The following MAML1 variants were observed in gnomAD, a reference collection of about 807,000 sequenced individuals.
The protein encoded by MAML1 is mastermind like transcriptional coactivator 1.
MAML1 carries 14 observed loss-of-function variants against 77.1 expected under a neutral mutation model. The ratio of observed to expected loss-of-function variants is 0.18; its 90% CI spans 0.12 to 0.28. MAML1 has a LOEUF of 0.28. Ranked by LOEUF, MAML1 falls within the 10% of genes least tolerant of loss-of-function variation. The pLI is 1.00. For missense variants in MAML1, 1,217 were observed against 1,327.8 expected (o/e 0.92, Z 1.30); for synonymous variants, 516 against 551.9 (o/e 0.93, Z 0.91).
At chr5:179,742,895 T>TG (rs1365151240) in intron 1 of MAML1, among the ~76,000 whole-genome samples, 1 of 152,148 alleles carries the variant, frequency 6.6e-6, no homozygotes, top group African/African-American at 2.4e-5. Flanking sequence ...TAATAGGACT[T>TG]TGATTTCCTT....
chr5:179,772,551 A>G lies in MAML1; in HGVS notation c.2068+1308A>G, dbSNP rs188673028. On this transcript the variant is annotated intron_variant, in intron 4 of 4. Transcript: ENST00000292599. ...GGTGTTGTCATATGTCCATTGCTTA[A>G]GCCAGGAGGCCTAGACAGCAGTTCC... Among the ~76,000 whole-genome samples the G allele has an allele frequency of 8.5e-5, 13 of 152,296 alleles. No homozygotes were observed. In the East Asian group the frequency reaches 2.5e-3, roughly 29 times the overall value.
chr5:179,760,055 GGA>G (rs1779698366), intron 1 of MAML1, among the ~76,000 whole-genome samples: 2 of 152,142 alleles, frequency 1.3e-5, no homozygotes, highest in South Asian at 4.1e-4. Flanking sequence ...ACAGGACTGG[GGA>G]GAGGCTGGCC....
rs1426488100 is a variant in MAML1, at chr5:179,774,836, G to C, written c.3010G>C (p.Glu1004Gln). Residue 1004 changes from glutamate (E) to glutamine (Q), a missense_variant, in exon 5 of 5, where the codon GAG becomes CAG. Physicochemically the swap from Glu to Gln is conservative, Grantham distance 29. Transcript: ENST00000292599. ...CCTGCTGAAGAACAGGACTTCAGAG[G>C]AGTGGATGAGTGATTTGGACGACCT... ...DSLLKNRTSE[E>Q]WMSDLDDLLG... The C allele has an allele frequency of 6.2e-7, 1 of 1,612,778 alleles. No homozygotes were observed. The highest frequency in any genetic ancestry group is 8.5e-7 in the Non-Finnish European group (1 of 1,179,110).
At chr5:179,734,046 A>G (rs1278144107) in intron 1 of MAML1, among the ~76,000 whole-genome samples, 1 of 152,222 alleles carries the variant, frequency 6.6e-6, no homozygotes, top group African/African-American at 2.4e-5. Flanking sequence ...TTCTAGTTTT[A>G]ATTTATCAGG....
intron 1 of MAML1, among the ~76,000 whole-genome samples, chr5:179,750,228 C>T (rs1779459758): frequency 6.6e-6 from 1 of 152,200 alleles, no homozygotes; most frequent in African/African-American, 2.4e-5. Context: ...TGGCCATGTG[C>T]TCTTATCTCC....
intron 1 of MAML1, among the ~76,000 whole-genome samples, chr5:179,750,476 T>C (rs939730893): frequency 6.6e-6 from 1 of 152,146 alleles, no homozygotes; most frequent in Non-Finnish European, 1.5e-5. Context: ...TTTTTGTTTT[T>C]GTTTTAAGAC....
chr5:179,769,144 G>A lies in MAML1; in HGVS notation c.1971+55G>A, dbSNP rs1755908296. 8.7e-6 allele frequency: 14 copies of A among 1,601,736 alleles called. No homozygotes were observed. The highest frequency in any genetic ancestry group is 5.6e-5 in the South Asian group (5 of 88,928). ...CTTCCCACCTTTGCCTGCACCCTGC[G>A]TCACTGCTACAGTCACACCTTCTGC... On this transcript the variant is annotated intron_variant, in intron 3 of 4. Coordinates refer to ENST00000292599, the MANE Select transcript of MAML1 (RefSeq NM_014757.5). The surrounding 1 kb of genome is among the most constrained non-coding windows in gnomAD (Gnocchi z 4.2).
intron 1 of MAML1, among the ~76,000 whole-genome samples, chr5:179,736,542 C>T (rs922572221): frequency 2.6e-5 from 4 of 152,164 alleles, no homozygotes; most frequent in Non-Finnish European, 2.9e-5. Context: ...TGAGCCGCCA[C>T]GCTTGGCCTG....
chr5:179,776,860 G>A lies in MAML1; in HGVS notation c.*1983G>A. On this transcript the variant is annotated 3_prime_UTR_variant, in exon 5 of 5. Coordinates refer to ENST00000292599, the MANE Select transcript of MAML1 (RefSeq NM_014757.5). ...GGGAGCTGCCCATGGCTTTATTTAT[G>A]AACCTGGTTTTCGGGAGTCAGGGGA... 3 of 985,930 alleles carry A rather than the reference G, an allele frequency of 3.0e-6. No individual in the cohort carries two copies. The highest frequency in any genetic ancestry group is 6.1e-5 in the Admixed American group (1 of 16,292). 61.1% of individuals were successfully genotyped at this position (985,930 alleles called of 1,614,324 possible).
In MAML1 at chr5:179,733,178, C is replaced by T; in HGVS notation, c.66C>T (p.Arg22=). Residue 22 remains arginine, a synonymous_variant, in exon 1 of 5, where the codon CGC becomes CGT. Coordinates refer to ENST00000292599, the MANE Select transcript of MAML1 (RefSeq NM_014757.5). ...CGCGGCACAGCGCGGTCATGGAGCG[C>T]CTTCGCCGGCGCATCGAGCTGTGCC... ...ALPRHSAVME[R]LRRRIELCRR... 1 of 1,471,780 alleles carries T rather than the reference C, an allele frequency of 6.8e-7. No individual in the cohort carries two copies. Among genetic ancestry groups the T allele is most frequent in the Admixed American group, 2.2e-5 (1 of 44,784 alleles). 91.2% of individuals were successfully genotyped at this position (1,471,780 alleles called of 1,614,324 possible).
chr5:179,747,607 G>A (rs1779404913), intron 1 of MAML1, among the ~76,000 whole-genome samples: 1 of 152,018 alleles, frequency 6.6e-6, no homozygotes, highest in South Asian at 2.1e-4. Context: ...TCAGGAGATC[G>A]AGACCATCTT....
Position 179,733,241 on chromosome 5 carries a change from C to A in MAML1, c.129C>A (p.Ala43=). Residue 43 remains alanine, a synonymous_variant, in exon 1 of 5, where the codon GCC becomes GCA. Coordinates refer to ENST00000292599, the MANE Select transcript of MAML1 (RefSeq NM_014757.5). Reference sequence around the variant, plus strand: ...GCACCTGCGAGGCCCGCTACGAGGCCGTGTCGCCCGAGCGCCTGGAGCTGG... The same window carrying A: ...GCACCTGCGAGGCCCGCTACGAGGCAGTGTCGCCCGAGCGCCTGGAGCTGG... ...HHSTCEARYE[A]VSPERLELER... The A allele has an allele frequency of 6.8e-7, 1 of 1,474,378 alleles. No homozygotes were observed. 91.3% of individuals were successfully genotyped at this position (1,474,378 alleles called of 1,614,324 possible).
In MAML1 at chr5:179,773,969, G is replaced by T. The variant is rs979734509; in HGVS notation, c.2143G>T (p.Ala715Ser). 6.2e-7 allele frequency: 1 copy of T among 1,614,210 alleles called. No homozygotes were observed. The highest frequency in any genetic ancestry group is 8.5e-7 in the Non-Finnish European group (1 of 1,180,052). ...NSSCPRVFPQ[A>S]GNLMPMGPGH... ...CAGCTGTCCTCGAGTGTTCCCTCAG[G>T]CTGGGAATCTGATGCCAATGGGCCC... Residue 715 changes from alanine to serine, a missense_variant, in exon 5 of 5, where the codon GCT (alanine) becomes TCT (serine). Physicochemically the swap from Ala to Ser is moderately conservative, Grantham distance 99 (BLOSUM62 1). This residue lies in a region of MAML1 where 884 missense variants were observed against 949.3 expected (regional missense o/e 0.93). Coordinates refer to ENST00000292599, the MANE Select transcript of MAML1 (RefSeq NM_014757.5).
chr5:179,764,685 G>T (rs1779781365), intron 1 of MAML1, among the ~76,000 whole-genome samples: 1 of 151,884 alleles, frequency 6.6e-6, no homozygotes, highest in African/African-American at 2.4e-5. Flanking sequence ...TGAGGGGCTG[G>T]GCACAGTGGC....
At chr5:179,768,216 A>G (rs1581945805) in intron 2 of MAML1, among the ~76,000 whole-genome samples, 2 of 152,262 alleles carry the variant, frequency 1.3e-5, no homozygotes, top group East Asian at 1.9e-4. Flanking sequence ...CAGCACTTTG[A>G]GAGGCCGAGG....
rs376292928 is a variant in MAML1 at position 179,766,617 on chromosome 5, A to G, written c.1607A>G (p.Lys536Arg). 73 of 1,613,304 alleles carry G rather than the reference A, an allele frequency of 4.5e-5. No homozygotes were observed. The highest frequency in any genetic ancestry group is 5.8e-5 in the Non-Finnish European group (69 of 1,179,520). Residue 536 changes from lysine (K) to arginine (R), a missense_variant, in exon 2 of 5, where the codon AAG becomes AGG. By Grantham distance (26) the Lys-to-Arg change is conservative. This residue lies in a region of MAML1 where 884 missense variants were observed against 949.3 expected (regional missense o/e 0.93). Transcript: ENST00000292599. This position sits in a 1 kb window ranked among gnomAD's most constrained non-coding sequence, Gnocchi z 4.0. Reference sequence around the variant, plus strand: ...GGCAGCCCGGGGTCTGGCCAGAGCAAGCCAGCCCTGATGGCTTATCTTCCC... The same window carrying G: ...GGCAGCCCGGGGTCTGGCCAGAGCAGGCCAGCCCTGATGGCTTATCTTCCC... Reference protein sequence around the residue: ...GQGSPGSGQSKPALMAYLPQQ... With the variant: ...GQGSPGSGQSRPALMAYLPQQ...
At chr5:179,742,126 G>T (rs993289499) in intron 1 of MAML1, among the ~76,000 whole-genome samples, 1 of 151,458 alleles carries the variant, frequency 6.6e-6, no homozygotes, top group South Asian at 2.1e-4. Flanking sequence ...ACCCGCCTCG[G>T]TCTCCCAAAG....
intron 1 of MAML1, among the ~76,000 whole-genome samples, chr5:179,749,433 G>A (rs1779444620): frequency 6.6e-6 from 1 of 151,990 alleles, no homozygotes; most frequent in Non-Finnish European, 1.5e-5. Context: ...GCAAATTTTT[G>A]TATTTTTAGT....
In MAML1 at chr5:179,773,981, A is replaced by C; in HGVS notation, c.2155A>C (p.Met719Leu). ...PRVFPQAGNLMPMGPGHASVS... is the reference protein window; with the variant it reads ...PRVFPQAGNLLPMGPGHASVS... Reference sequence around the variant, plus strand: ...AGTGTTCCCTCAGGCTGGGAATCTGATGCCAATGGGCCCTGGACATGCTTC... The same window carrying C: ...AGTGTTCCCTCAGGCTGGGAATCTGCTGCCAATGGGCCCTGGACATGCTTC... The change falls in exon 5 of 5, where the codon ATG (methionine) becomes CTG (leucine). Residue 719 changes from methionine (M) to leucine (L), a missense_variant. Physicochemically the swap from Met to Leu is conservative, Grantham distance 15 (BLOSUM62 2). Transcript: ENST00000292599. 1 of 1,614,216 alleles carries C rather than the reference A, an allele frequency of 6.2e-7. No individual in the cohort carries two copies. Among genetic ancestry groups the C allele is most frequent in the Non-Finnish European group, 8.5e-7 (1 of 1,180,042 alleles).
Sources: allele counts gnomAD v4.1 joint callset (sites outside exome capture counted in the v4.1 genomes callset), GRCh38; gene constraint gnomAD v4.1.1; regional missense constraint gnomAD v4.1.1; non-coding constraint Gnocchi (gnomAD v3.1); transcripts MANE v1.5; gene names NCBI Gene and HGNC (gene_info 2026-07-23, HGNC 2026-07-21).